SYT16: variants seen among roughly 807,000 people sequenced by gnomAD.
SYT16 encodes synaptotagmin-16.
In SYT16, 42 loss-of-function variants were observed where a neutral mutation model predicts 61.4. The observed-to-expected ratio is 0.68, with a 90% CI of 0.53 to 0.89. The LOEUF is 0.89. Among genes scored for constraint, SYT16 ranks in the 40% least tolerant of loss-of-function variants. SYT16 has a pLI of 0.00. For missense variants in SYT16, 804 were observed against 807.3 expected, an observed-to-expected ratio of 1.00 and a Z score of 0.05; for synonymous variants, 314 against 302.3, an observed-to-expected ratio of 1.04 and a Z score of -0.40.
intron 3 of SYT16, among the ~76,000 whole-genome samples, chr14:62,050,721 G>T (rs1378008251): frequency 1.3e-5 from 2 of 152,160 alleles, no homozygotes; most frequent in African/African-American, 4.8e-5. Context: ...GTCTGTTGGA[G>T]TTTGCTGGAG....
intron 1 of SYT16, among the ~76,000 whole-genome samples, chr14:61,859,325 G>C (rs1200538408): frequency 1.3e-5 from 2 of 152,098 alleles, no homozygotes; most frequent in Non-Finnish European, 2.9e-5. Flanking sequence ...AGAGCGACAA[G>C]ATGGCGGCCA....
At chr14:61,988,059 TA>T (rs2052393124) in intron 2 of SYT16, among the ~76,000 whole-genome samples, 2 of 152,146 alleles carry the variant, frequency 1.3e-5, no homozygotes, top group South Asian at 4.1e-4. Context: ...CTCCTAATTA[TA>T]TTGCTTCATA....
At chr14:62,054,535 A>AT (rs1266805208) in intron 3 of SYT16, among the ~76,000 whole-genome samples, 1 of 151,636 alleles carries the variant, frequency 6.6e-6, no homozygotes, top group African/African-American at 2.4e-5. Context: ...TAATTTTTGT[A>AT]TTTTTTTGTA....
chr14:61,909,533 C>T (rs1417152313), intron 1 of SYT16, among the ~76,000 whole-genome samples: 1 of 152,188 alleles, frequency 6.6e-6, no homozygotes, highest in Admixed American at 6.5e-5. Context: ...CTGTGTGTCT[C>T]TCCTGTGTGA....
At chr14:62,091,215 T>C (rs147239584) in intron 7 of SYT16, among the ~76,000 whole-genome samples, 2 of 152,334 alleles carry the variant, frequency 1.3e-5, no homozygotes, top group East Asian at 3.9e-4. Flanking sequence ...GGGAAAAGAA[T>C]ATCAAAGTAT....
At chr14:61,823,802 G>T (rs72716745) in intron 1 of SYT16, among the ~76,000 whole-genome samples, 1 of 152,036 alleles carries the variant, frequency 6.6e-6, no homozygotes, top group Admixed American at 6.6e-5. Context: ...ACTGGACAGC[G>T]ACTGACTGCT....
At chr14:62,088,249 T>C (rs7143389) in intron 7 of SYT16, among the ~76,000 whole-genome samples, 33,440 of 152,136 alleles carry the variant, frequency 0.22, 4,377 homozygotes, top group African/African-American at 0.35. Context: ...AGATATATAA[T>C]TGAATACTAT....
chr14:62,055,463 C>G (rs1327381795), intron 3 of SYT16, among the ~76,000 whole-genome samples: 2 of 152,200 alleles, frequency 1.3e-5, no homozygotes, highest in African/African-American at 4.8e-5. Flanking sequence ...CGCAGTGAAT[C>G]TGACTACAGA....
At chr14:62,045,434 T>A (rs2054931621) in intron 3 of SYT16, among the ~76,000 whole-genome samples, 1 of 152,064 alleles carries the variant, frequency 6.6e-6, no homozygotes, top group Non-Finnish European at 1.5e-5. Flanking sequence ...TCTGTATGTT[T>A]TGTATTTTTC....
intron 1 of SYT16, among the ~76,000 whole-genome samples, chr14:61,890,116 C>G (rs1489341314): frequency 6.6e-6 from 1 of 152,146 alleles, no homozygotes; most frequent in African/African-American, 2.4e-5. Flanking sequence ...CATGAGCAAG[C>G]CTTTCTTCCT....
intron 7 of SYT16, among the ~76,000 whole-genome samples, chr14:62,085,674 G>A (rs760374392): frequency 6.6e-6 from 1 of 152,112 alleles, no homozygotes. Flanking sequence ...TAGTCAACTT[G>A]TATGAAAACC....
intron 3 of SYT16, among the ~76,000 whole-genome samples, chr14:62,019,523 A>G (rs916040620): frequency 6.6e-6 from 1 of 152,232 alleles, no homozygotes; most frequent in Non-Finnish European, 1.5e-5. Context: ...GAAGCTGTAC[A>G]AACCCAGGCA....
chr14:61,971,827 T>C (rs774064746), intron 2 of SYT16, among the ~76,000 whole-genome samples: 2 of 152,174 alleles, frequency 1.3e-5, no homozygotes, highest in Non-Finnish European at 2.9e-5. Flanking sequence ...ATTCTGAAAA[T>C]AGAATGGAAT....
chr14:61,850,958 A>G (rs1043873412), intron 1 of SYT16, among the ~76,000 whole-genome samples: 6 of 152,110 alleles, frequency 3.9e-5, no homozygotes, highest in African/African-American at 1.4e-4. Flanking sequence ...GGTTTGTTAT[A>G]TAGATAAATG....
chr14:61,932,702 T>A (rs1209384724), intron 1 of SYT16, among the ~76,000 whole-genome samples: 1 of 152,176 alleles, frequency 6.6e-6, no homozygotes, highest in Non-Finnish European at 1.5e-5. Flanking sequence ...GAAAGGAGAC[T>A]TGACATGGGG....
intron 1 of SYT16, among the ~76,000 whole-genome samples, chr14:61,898,675 C>T: frequency 6.6e-6 from 1 of 152,188 alleles, no homozygotes; most frequent in East Asian, 1.9e-4. Flanking sequence ...TGAGAGTGTA[C>T]ACTTGAAACC....
At chr14:62,070,938 G>A (rs1255968358) in intron 4 of SYT16, among the ~76,000 whole-genome samples, 1 of 152,110 alleles carries the variant, frequency 6.6e-6, no homozygotes, top group South Asian at 2.1e-4. Flanking sequence ...TTTGATTTCA[G>A]GATGAGCACA....
chr14:61,904,194 G>A (rs1337025791), intron 1 of SYT16, among the ~76,000 whole-genome samples: 8 of 152,304 alleles, frequency 5.3e-5, no homozygotes, highest in African/African-American at 1.9e-4. Context: ...ATTCTGTGGA[G>A]TTTTGAATGC....
rs1056234736 is a variant in SYT16 at position 62,109,464 on chromosome 14, G to A, written c.*8757G>A. 1 of 151,910 alleles carries A rather than the reference G, an allele frequency of 6.6e-6. No homozygotes were observed. The highest frequency in any genetic ancestry group is 6.6e-5 in the Admixed American group (1 of 15,250). 9.4% of individuals were successfully genotyped at this position (151,910 alleles called of 1,614,324 possible). ...TATGGCAAATTTTATTAAAGTGCGT[G>A]CTCTCAGGAAAAGCTGCATATATTT... On this transcript the variant is annotated 3_prime_UTR_variant, in exon 8 of 8. Coordinates refer to ENST00000683842, the MANE Select transcript of SYT16 (RefSeq NM_001367656.1).
Sources: allele counts gnomAD v4.1 joint callset (sites outside exome capture counted in the v4.1 genomes callset), GRCh38; gene constraint gnomAD v4.1.1; transcripts MANE v1.5; gene names NCBI Gene and HGNC (gene_info 2026-07-23, HGNC 2026-07-21).